MICAL3: variants seen among roughly 807,000 people sequenced by gnomAD.
The protein encoded by MICAL3 is [F-actin]-monooxygenase MICAL3.
A neutral mutation model predicts 207.4 loss-of-function variants in MICAL3; 62 were observed. The ratio of observed to expected loss-of-function variants is 0.30; its 90% CI spans 0.24 to 0.37. The LOEUF is 0.37. Among genes scored for constraint, MICAL3 ranks in the 10% least tolerant of loss-of-function variants. The pLI is 1.00. For missense variants in MICAL3, 2,368 were observed against 2,635.6 expected (o/e 0.90, Z 2.22); for synonymous variants, 1,077 against 1,069.3 (o/e 1.01, Z -0.14).
At chr22:17,853,141 A>G (rs1007946085) in intron 19 of MICAL3, among the ~76,000 whole-genome samples, 10 of 152,034 alleles carry the variant, frequency 6.6e-5, no homozygotes, top group African/African-American at 1.9e-4. Context: ...TGCTTTTGTT[A>G]CTATAGTGAA....
At chr22:17,947,135 A>C (rs1269713402) in intron 1 of MICAL3, among the ~76,000 whole-genome samples, 1 of 152,248 alleles carries the variant, frequency 6.6e-6, no homozygotes, top group East Asian at 1.9e-4. Flanking sequence ...CTGCAAGGCC[A>C]CATGGCTGGA....
In MICAL3 at chr22:17,841,877, C is replaced by T. The variant is rs373880778; in HGVS notation, c.2746G>A (p.Glu916Lys). Reference protein sequence around the residue: ...LQEVPEETQAEHNLSSVLDTG... With the variant: ...LQEVPEETQAKHNLSSVLDTG... ...TCCAGCACGCTGCTCAGGTTGTGCT[C>T]GGCCTGAGTCTCCTCCGGTACCTCC... Residue 916 changes from glutamate (E) to lysine (K), a missense_variant, in exon 20 of 32, where the codon GAG (glutamate) becomes AAG (lysine). Around this residue, in one of 4 missense-constraint regions of MICAL3, gnomAD observed 1,770 missense variants for 1,863.2 expected, o/e 0.95. Transcript: ENST00000441493. The surrounding 1 kb of genome is among the most constrained non-coding windows in gnomAD (Gnocchi z 4.2). 7.9e-5 allele frequency: 124 copies of T among 1,577,310 alleles called. 1 individual carries two copies. Among genetic ancestry groups the T allele is most frequent in the African/African-American group, 1.1e-4 (8 of 74,090 alleles).
chr22:17,916,068 A>AC (rs1261822285), intron 1 of MICAL3, among the ~76,000 whole-genome samples: 13 of 150,074 alleles, frequency 8.7e-5, no homozygotes, highest in Admixed American at 1.3e-4. Flanking sequence ...AAAAAAAAAA[A>AC]AAAAAAAAAA....
At chr22:17,807,259 C>G (rs184844535) in intron 29 of MICAL3, among the ~76,000 whole-genome samples, 1 of 152,200 alleles carries the variant, frequency 6.6e-6, no homozygotes, top group Non-Finnish European at 1.5e-5. Context: ...CGGACGCAGT[C>G]GGGCACAGGT....
rs930095663 is a variant in MICAL3, at chr22:17,885,948, T to G, written c.2171A>C (p.Tyr724Ser). The G allele has an allele frequency of 6.2e-7, 1 of 1,614,050 alleles. No homozygotes were observed. The highest frequency in any genetic ancestry group is 1.1e-5 in the South Asian group (1 of 91,092). Reference sequence around the variant, plus strand: ...TTTGGCCAGCAGCTGGGTCGCCATGTACTTCACTTTGTTCTGGTTCCCAAC... The same window carrying G: ...TTTGGCCAGCAGCTGGGTCGCCATGGACTTCACTTTGTTCTGGTTCCCAAC... The part of the protein sequence containing the change: ...VAVGNQNKVK[Y>S]MATQLLAKFE... Residue 724 changes from tyrosine (Y) to serine (S), a missense_variant, in exon 16 of 32, where the codon TAC becomes TCC. Tyr to Ser is a moderately radical substitution (Grantham distance 144). Coordinates refer to ENST00000441493, the MANE Select transcript of MICAL3 (RefSeq NM_015241.3).
chr22:17,950,192 C>A (rs557567827), intron 1 of MICAL3, among the ~76,000 whole-genome samples: 1 of 143,874 alleles, frequency 7.0e-6, no homozygotes, highest in Non-Finnish European at 1.5e-5. Flanking sequence ...ACAAGAGTCT[C>A]GCTCTGTTAC....
intron 15 of MICAL3, among the ~76,000 whole-genome samples, chr22:17,886,789 A>G (rs1268666236): frequency 2.1e-5 from 3 of 140,380 alleles, no homozygotes; most frequent in Non-Finnish European, 3.0e-5. Context: ...TGGGTAAGAG[A>G]GCCAGACTCT....
chr22:17,949,170 A>G (rs567916452), intron 1 of MICAL3, among the ~76,000 whole-genome samples: 7 of 152,358 alleles, frequency 4.6e-5, no homozygotes, highest in Non-Finnish European at 1.0e-4. Flanking sequence ...AGATCGTGCC[A>G]CTGCACTCAA....
Position 17,886,988 on chromosome 22 carries a change from C to CAAAAAAAAAAAA in MICAL3, c.2067+170_2067+181dup, listed in dbSNP as rs55999508. Among the ~76,000 whole-genome samples, 44 of 41,346 alleles carry CAAAAAAAAAAAA rather than the reference C, an allele frequency of 1.1e-3. 2 individuals carry two copies. Among genetic ancestry groups the CAAAAAAAAAAAA allele is most frequent in the African/African-American group, 1.4e-3 (18 of 12,920 alleles). 27.1% of individuals were successfully genotyped at this position (41,346 alleles called of 152,430 possible). On this transcript the variant is annotated intron_variant, in intron 15 of 31. Coordinates refer to ENST00000441493, the MANE Select transcript of MICAL3 (RefSeq NM_015241.3). ...GGGCAATGGAGAAAGACTCTTGTCT[C>CAAAAAAAAAAAA]AAAAAAAAAAAAAAAAAAAAAAAAA...
rs5992954 is a variant in MICAL3, at chr22:18,000,203, T to C, written c.-75+24078A>G. Among the ~76,000 whole-genome samples the C allele has an allele frequency of 2.3e-3, 341 of 149,374 alleles. 2 individuals carry two copies. The highest frequency in any genetic ancestry group is 7.3e-3 in the African/African-American group (292 of 40,130). On this transcript the variant is annotated intron_variant, in intron 1 of 31. Coordinates refer to ENST00000441493, the MANE Select transcript of MICAL3 (RefSeq NM_015241.3). Reference sequence around the variant, plus strand: ...ACACATTGGTGGCCTGATATTCAAATGTCATCCTCTCCATGCACATCCCAC... The same window carrying C: ...ACACATTGGTGGCCTGATATTCAAACGTCATCCTCTCCATGCACATCCCAC...
chr22:18,010,283 T>G (rs370223958), intron 1 of MICAL3, among the ~76,000 whole-genome samples: 2 of 151,126 alleles, frequency 1.3e-5, no homozygotes, highest in Non-Finnish European at 1.5e-5. Flanking sequence ...TTCGCTCCCA[T>G]TTGAGATCAT....
intron 1 of MICAL3, among the ~76,000 whole-genome samples, chr22:17,986,229 G>A (rs566663263): frequency 7.2e-5 from 11 of 152,280 alleles, no homozygotes; most frequent in East Asian, 3.9e-4. Flanking sequence ...TAAGAGGTCC[G>A]TAATGACTGG....
At chr22:18,014,972 G>A (rs1306097018) in intron 1 of MICAL3, among the ~76,000 whole-genome samples, 1 of 149,242 alleles carries the variant, frequency 6.7e-6, no homozygotes, top group Non-Finnish European at 1.5e-5. Context: ...GGGCGACAGA[G>A]TGAGACTCCA....
At position 17,841,473 on chromosome 22, in the gene MICAL3, G is replaced by A; in HGVS notation, c.2801+349C>T. 2.1e-6 allele frequency: 1 copy of A among 466,270 alleles called. No homozygotes were observed. The highest frequency in any genetic ancestry group is 3.8e-6 in the Non-Finnish European group (1 of 261,376). 28.9% of individuals were successfully genotyped at this position (466,270 alleles called of 1,614,324 possible). On this transcript the variant is annotated intron_variant, in intron 20 of 31. Coordinates refer to ENST00000441493, the MANE Select transcript of MICAL3 (RefSeq NM_015241.3). This position sits in a 1 kb window ranked among gnomAD's most constrained non-coding sequence, Gnocchi z 4.2. ...AAGACGGCCCGGTGCACTGGTGGCT[G>A]AATCACCCAGAGTCCCTCCCCGTGT...
chr22:17,891,876 A>C (rs1930420536), intron 11 of MICAL3, among the ~76,000 whole-genome samples: 1 of 152,224 alleles, frequency 6.6e-6, no homozygotes, highest in Admixed American at 6.5e-5. Flanking sequence ...TCCACCCCCC[A>C]GTACCCTGAG....
chr22:18,023,798 G>T (rs1186977583), intron 1 of MICAL3, among the ~76,000 whole-genome samples: 1 of 152,232 alleles, frequency 6.6e-6, no homozygotes, highest in East Asian at 1.9e-4. Flanking sequence ...GGAAACCGGC[G>T]TTCCCCGCGC....
chr22:17,888,110 C>G (rs578142757), intron 13 of MICAL3, among the ~76,000 whole-genome samples: 1 of 152,332 alleles, frequency 6.6e-6, no homozygotes, highest in East Asian at 1.9e-4. Context: ...TTATTAAGTA[C>G]TTCCACTGGC....
intron 1 of MICAL3, among the ~76,000 whole-genome samples, chr22:18,010,634 T>C (rs554223586): frequency 2.5e-4 from 38 of 152,250 alleles, no homozygotes; most frequent in African/African-American, 8.9e-4. Context: ...TCCCCTTTTC[T>C]TTTCTTAGCT....
In MICAL3 at chr22:17,808,765, G is replaced by A. The variant is rs914065588; in HGVS notation, c.5650+79C>T. The A allele has an allele frequency of 5.8e-6, 7 of 1,199,428 alleles. No homozygotes were observed. In the Admixed American group the frequency reaches 8.4e-5, roughly 14 times the overall value. 74.3% of individuals were successfully genotyped at this position (1,199,428 alleles called of 1,614,324 possible). ...GGAAAAGGAGCTGAATTCCAGGTGAGGTGAAGCAAAACTAGCCTACCACGG... is the reference window on the plus strand; with the variant it reads ...GGAAAAGGAGCTGAATTCCAGGTGAAGTGAAGCAAAACTAGCCTACCACGG... On this transcript the variant is annotated intron_variant, in intron 29 of 31. Coordinates refer to ENST00000441493, the MANE Select transcript of MICAL3 (RefSeq NM_015241.3).
Sources: gnomAD v4.1 joint callset for allele counts (sites outside exome capture counted in the v4.1 genomes callset) on GRCh38, gnomAD v4.1.1 for gene constraint, gnomAD v4.1.1 regional missense constraint, Gnocchi (gnomAD v3.1) non-coding constraint, MANE v1.5 for transcripts, NCBI Gene and HGNC (gene_info 2026-07-23, HGNC 2026-07-21) for gene names.